Variants in NF1 observed in about 807,000 individuals in gnomAD.
NF1 encodes the protein neurofibromin.
NF1 carries 122 observed loss-of-function variants against 325.7 expected under a neutral mutation model. The ratio of observed to expected loss-of-function variants is 0.37; its 90% confidence interval spans 0.32 to 0.44. The LOEUF (loss-of-function observed/expected upper bound fraction) is 0.44, where lower values mean the gene tolerates loss of function less well. NF1 is among the 20% of genes least tolerant of loss of function. The probability of loss-of-function intolerance (pLI) is 1.00; values close to 1 mark genes in which losing one functional copy is unlikely to be tolerated. For synonymous variants in NF1, 1,091 were observed against 1,186.0 expected (o/e 0.92, Z 1.65); for missense variants, 2,140 against 3,415.4 (o/e 0.63, Z 9.31).
At chr17:31,304,892 C>G in intron 36 of NF1, 1 of 1,614,054 alleles carries the variant, frequency 6.2e-7, no homozygotes, top group South Asian at 1.1e-5. Context: ...GGAGATCTAC[C>G]TGCCCAATTT....
intron 1 of NF1, among the ~76,000 whole-genome samples, chr17:31,147,741 G>T (rs1303235238): frequency 1.3e-5 from 2 of 152,166 alleles, no homozygotes; most frequent in Non-Finnish European, 2.9e-5. Flanking sequence ...ATTTACTAAG[G>T]TCTCCACTAG....
chr17:31,220,073 T>G (rs1255338495), intron 14 of NF1, among the ~76,000 whole-genome samples: 1 of 152,226 alleles, frequency 6.6e-6, no homozygotes, highest in Non-Finnish European at 1.5e-5. Context: ...GTGGAACTGC[T>G]AAGTCGTGTG....
intron 1 of NF1, among the ~76,000 whole-genome samples, chr17:31,143,225 CTTTG>C (rs1001537162): frequency 4.0e-5 from 6 of 151,686 alleles, no homozygotes; most frequent in African/African-American, 1.2e-4. Context: ...AGCTTTATGG[CTTTG>C]TTTTTTTTAA....
chr17:31,268,164 C>T (rs764395102), intron 36 of NF1, among the ~76,000 whole-genome samples: 4 of 152,108 alleles, frequency 2.6e-5, no homozygotes, highest in South Asian at 2.1e-4. Flanking sequence ...GATAGTAACC[C>T]GTTCATTATC....
Position 31,219,884 on chromosome 17 carries a change from A to C in NF1, c.1641+766A>C, listed in dbSNP as rs17884297. Among the ~76,000 whole-genome samples the C allele has an allele frequency of 8.2e-3, 1,247 of 152,250 alleles. 24 individuals carry two copies. The highest frequency in any genetic ancestry group is 0.029 in the African/African-American group (1,189 of 41,546). ...CAAGGTTCATTTATGTTGTGGTATG[A>C]ATCACTATTTTCTTCCTTTTTATTG... On this transcript the variant is annotated intron_variant, in intron 14 of 57. Transcript: ENST00000358273.
At position 31,325,736 on chromosome 17, in the gene NF1, C is replaced by T. The variant is rs2069322879; in HGVS notation, c.4836-84C>T. 8 of 1,020,832 alleles carry T rather than the reference C, an allele frequency of 7.8e-6. No individual in the cohort carries two copies. The South Asian group carries it at 1.1e-4, about 14-fold the overall frequency. The allele number at this position is 1,020,832 out of a possible 1,614,324, so 63.2% of individuals were successfully genotyped here. On this transcript the variant is annotated intron_variant, in intron 36 of 57. Transcript: ENST00000358273. ...ATATTATTCTCTCTAGAAAATGAAT[C>T]ATAAAATAAAATTGATTAGTGGCAT...
intron 29 of NF1, among the ~76,000 whole-genome samples, chr17:31,244,696 G>C (rs540922778): frequency 6.6e-6 from 1 of 152,326 alleles, no homozygotes; most frequent in South Asian, 2.1e-4. Context: ...GGTGAAGGAA[G>C]GGTGGTATAG....
intron 36 of NF1, chr17:31,320,247 T>C (rs1200647406): frequency 1.5e-6 from 1 of 687,684 alleles, no homozygotes; most frequent in African/African-American, 1.8e-5. Context: ...CAAAACTATA[T>C]TGTTCTCCTG....
At chr17:31,215,329 A>G (rs1482319946) in intron 13 of NF1, among the ~76,000 whole-genome samples, 1 of 152,152 alleles carries the variant, frequency 6.6e-6, no homozygotes, top group Non-Finnish European at 1.5e-5. Context: ...GATGATATTA[A>G]ATTTCTGAGA....
intron 31 of NF1, 49 bp from the exon 32 acceptor site, chr17:31,258,295 T>A: frequency 6.2e-7 from 1 of 1,607,802 alleles, no homozygotes; most frequent in Non-Finnish European, 8.5e-7. Flanking sequence ...TTTTCATGTC[T>A]TTATATTAAT....
intron 50 of NF1, among the ~76,000 whole-genome samples, chr17:31,350,807 G>A (rs1175212660): frequency 6.6e-6 from 1 of 152,094 alleles, no homozygotes; most frequent in Non-Finnish European, 1.5e-5. Flanking sequence ...ATGGGTTTGG[G>A]TAGTATATTT....
chr17:31,274,099 C>A (rs980892032), intron 36 of NF1, among the ~76,000 whole-genome samples: 11 of 152,022 alleles, frequency 7.2e-5, no homozygotes, highest in Middle Eastern at 3.4e-3. Flanking sequence ...AATAAAGTAA[C>A]CTTAGAAAAG....
At chr17:31,253,118 C>A in intron 31 of NF1, 118 bp downstream of exon 31, 1 of 757,144 alleles carries the variant, frequency 1.3e-6, no homozygotes, top group African/African-American at 1.7e-5. Context: ...AATCATTCTA[C>A]TAATTCTGGC....
rs2151429634 is a variant in NF1 at position 31,229,388 on chromosome 17, T to C, written c.2773T>C (p.Leu925=). The change falls in exon 21 of 58, where the codon TTG becomes CTG. Residue 925 remains leucine, a synonymous_variant. Coordinates refer to ENST00000358273, the MANE Select transcript of NF1 (RefSeq NM_001042492.3). ...TGTTAAGGATCTGGTGGGTCTAGAA[T>C]TGAGTCCTGCTCTGTATCCAATGCT... ...TNVKDLVGLE[L]SPALYPMLFN... 6.2e-7 allele frequency: 1 copy of C among 1,613,952 alleles called. No individual in the cohort carries two copies. Among genetic ancestry groups the C allele is most frequent in the Non-Finnish European group, 8.5e-7 (1 of 1,179,846 alleles).
intron 47 of NF1, among the ~76,000 whole-genome samples, chr17:31,342,100 T>G (rs1168308811): frequency 6.6e-6 from 1 of 152,146 alleles, no homozygotes; most frequent in African/African-American, 2.4e-5. Context: ...ATTTTAGAGG[T>G]AAGAGGTCTT....
intron 36 of NF1, chr17:31,304,123 C>T (rs1394597086): frequency 1.2e-6 from 1 of 829,028 alleles, no homozygotes; most frequent in African/African-American, 1.7e-5. Flanking sequence ...CATCTATGCA[C>T]ATAGGCTCTG....
chr17:31,224,065 G>T (rs879379540), intron 16 of NF1, among the ~76,000 whole-genome samples: 1 of 152,114 alleles, frequency 6.6e-6, no homozygotes, highest in Non-Finnish European at 1.5e-5. Flanking sequence ...GGCTAGACTA[G>T]TCCAGAGAAT....
intron 56 of NF1, 112 bp from the exon 57 acceptor site, chr17:31,360,375 A>T: frequency 1.1e-6 from 1 of 899,348 alleles, no homozygotes; most frequent in Non-Finnish European, 1.8e-6. Context: ...GATAAGTAAT[A>T]CAAAGGAAGA....
At position 31,229,399 on chromosome 17, in the gene NF1, T is replaced by C. The variant is rs2151429665; in HGVS notation, c.2784T>C (p.Ala928=). 5 of 1,613,924 alleles carry C rather than the reference T, an allele frequency of 3.1e-6. No homozygotes were observed. The highest frequency in any genetic ancestry group is 4.2e-6 in the Non-Finnish European group (5 of 1,179,824). The change falls in exon 21 of 58, where the codon GCT becomes GCC. Residue 928 remains alanine (A), a synonymous_variant. Transcript: ENST00000358273. ...KDLVGLELSP[A]LYPMLFNKLK... The stretch of plus-strand genomic sequence containing the variant: ...TGGTGGGTCTAGAATTGAGTCCTGC[T>C]CTGTATCCAATGCTATTTAACAAAT...
Sources: allele counts gnomAD v4.1 joint callset (sites outside exome capture counted in the v4.1 genomes callset), GRCh38; gene constraint gnomAD v4.1.1; transcripts MANE v1.5; gene names NCBI Gene and HGNC (gene_info 2026-07-23, HGNC 2026-07-21).